SELENOP: variants seen among roughly 807,000 people sequenced by gnomAD.
The protein encoded by SELENOP is selenoprotein P.
Under a neutral mutation model 41.0 loss-of-function variants are expected in SELENOP, and 36 were observed. The observed-to-expected ratio is 0.88, with a 90% confidence interval of 0.67 to 1.16. The LOEUF (loss-of-function observed/expected upper bound fraction) is 1.16, where lower values mean the gene tolerates loss of function less well. Ranked by LOEUF, SELENOP falls within the 50% of genes most tolerant of loss-of-function variation. SELENOP has a pLI of 0.00. For synonymous variants in SELENOP, 144 were observed against 150.8 expected, an observed-to-expected ratio of 0.95 and a Z score of 0.33; for missense variants, 440 against 454.2, an observed-to-expected ratio of 0.97 and a Z score of 0.28.
chr5:42,807,212 A>G (rs930329454), intron 2 of SELENOP, 104 bp from the exon 3 acceptor site: 2 of 601,276 alleles, frequency 3.3e-6, no homozygotes, highest in African/African-American at 3.7e-5. Context: ...TCTCCTTCTT[A>G]TTTTTAACTA....
Position 42,802,591 on chromosome 5 carries a change from T to C in SELENOP, c.535-1260A>G, listed in dbSNP as rs1171259426. ...AGGTTTAAACAAACACAAATACCTA[T>C]GGTAGTAGTCTAATTTCTTTCATTT... On this transcript the variant is annotated intron_variant, in intron 4 of 4. Coordinates refer to ENST00000514985, the MANE Select transcript of SELENOP (RefSeq NM_005410.4). Among the ~76,000 whole-genome samples the C allele has an allele frequency of 3.9e-5, 6 of 152,262 alleles. No individual in the cohort carries two copies. In the South Asian group the frequency reaches 1.0e-3, roughly 26 times the overall value.
In SELENOP at chr5:42,808,181, C is replaced by G. The variant is rs759440035; in HGVS notation, c.173G>C (p.Ser58Thr). 4 of 1,564,524 alleles carry G rather than the reference C, an allele frequency of 2.6e-6. No individual in the cohort carries two copies. The highest frequency in any genetic ancestry group is 2.6e-6 in the Non-Finnish European group (3 of 1,156,922). Residue 58 changes from serine (S) to threonine (T), a missense_variant, in exon 2 of 5, where the codon AGC (serine) becomes ACC (threonine). Coordinates refer to ENST00000514985, the MANE Select transcript of SELENOP (RefSeq NM_005410.4). ...TGCCTGCAGTATGCACAGGTATCAG[C>G]TGGCTTGAAGAAGAGCAACCACAGT... ...SVTVVALLQA[S>T]UYLCILQASK...
chr5:42,800,751 T>G lies in SELENOP; in HGVS notation c.1115A>C (p.Gln372Pro), dbSNP rs1206600800. The stretch of plus-strand genomic sequence containing the variant: ...TGAAGGTCATTCTCACTTTTTTGCC[T>G]GATTCTTTCAGCGTCAACTGGCACT... The part of the protein sequence containing the change: ...EASASURUKN[Q>P]AKKUEUPSN The change falls in exon 5 of 5, where the codon CAG (glutamine) becomes CCG (proline). Residue 372 changes from glutamine to proline, a missense_variant. Coordinates refer to ENST00000514985, the MANE Select transcript of SELENOP (RefSeq NM_005410.4). 3 of 1,608,838 alleles carry G rather than the reference T, an allele frequency of 1.9e-6. No homozygotes were observed. The highest frequency in any genetic ancestry group is 2.2e-5 in the East Asian group (1 of 44,736).
chr5:42,808,197 CAACCACAGTCACTG>C lies in SELENOP; in HGVS notation c.143_156del (p.Ser48CysfsTer16). The C allele has an allele frequency of 1.3e-6, 2 of 1,576,146 alleles. No homozygotes were observed. Among genetic ancestry groups the C allele is most frequent in the East Asian group, 2.4e-5 (1 of 42,504 alleles). On this transcript the variant is annotated frameshift_variant, in exon 2 of 5. Transcript: ENST00000514985. LOFTEE classifies it high-confidence loss of function. ...AGGTATCAGCTGGCTTGAAGAAGAG[CAACCACAGTCACTG>C]AACCATTGGAGTTTAGCATTGGATC...
Position 42,808,326 on chromosome 5 carries a change from C to A in SELENOP, c.28G>T (p.Ala10Ser). The change falls in exon 2 of 5, where the codon GCT (alanine) becomes TCT (serine). Residue 10 changes from alanine (A) to serine (S), a missense_variant. Transcript: ENST00000514985. ...CCTCCCGATGGGAGGAGACAGAGAG[C>A]CAGGGCAAGCCCCAGGCTTCTCCAC... Reference protein sequence around the residue: MWRSLGLALALCLLPSGGTE... With the variant: MWRSLGLALSLCLLPSGGTE... 5 of 1,436,002 alleles carry A rather than the reference C, an allele frequency of 3.5e-6. No homozygotes were observed. Among genetic ancestry groups the A allele is most frequent in the South Asian group, 3.2e-5 (2 of 62,698 alleles). 89.0% of individuals were successfully genotyped at this position (1,436,002 alleles called of 1,614,324 possible).
intron 4 of SELENOP, among the ~76,000 whole-genome samples, chr5:42,802,634 C>G (rs1021040201): frequency 6.6e-6 from 1 of 152,046 alleles, no homozygotes; most frequent in African/African-American, 2.4e-5. Context: ...TATTTAGTGA[C>G]GGAGTCTCAC....
chr5:42,808,400 A>C (rs769342275), intron 1 of SELENOP, 34 bp from the exon 2 acceptor site: 10 of 848,216 alleles, frequency 1.2e-5, no homozygotes, highest in Non-Finnish European at 1.6e-5. Context: ...TCTTCTTCAT[A>C]GTTAACTTCA....
chr5:42,804,187 C>G (rs554802780), intron 4 of SELENOP, among the ~76,000 whole-genome samples: 22 of 152,282 alleles, frequency 1.4e-4, no homozygotes, highest in Non-Finnish European at 2.5e-4. Flanking sequence ...TTAGGCCGGG[C>G]GCGGTGGCTC....
At chr5:42,804,631 C>A in intron 4 of SELENOP, 25 bp downstream of exon 4, 1 of 1,325,094 alleles carries the variant, frequency 7.5e-7, no homozygotes, top group Admixed American at 1.9e-5. Flanking sequence ...TCTTTTCTCC[C>A]CAGAAAAATA....
chr5:42,801,426 C>T (rs1760199946), intron 4 of SELENOP, 95 bp from the exon 5 acceptor site: 2 of 941,210 alleles, frequency 2.1e-6, no homozygotes, highest in African/African-American at 3.3e-5. Context: ...GAAATTCCAA[C>T]TAGTTAATTA....
At chr5:42,803,682 G>T (rs1760261540) in intron 4 of SELENOP, among the ~76,000 whole-genome samples, 1 of 152,026 alleles carries the variant, frequency 6.6e-6, no homozygotes, top group African/African-American at 2.4e-5. Flanking sequence ...TTTCCTTTTT[G>T]TTATGAAGGA....
chr5:42,806,908 A>AG lies in SELENOP; in HGVS notation c.403dup (p.Leu135ProfsTer?), dbSNP rs768305099. The stretch of plus-strand genomic sequence containing the variant: ...TGTATGTACAAACCTATCATATATG[A>AG]GGAAGTCATCTTTGCTTCCATTTAA... On this transcript the variant is annotated frameshift_variant, in exon 3 of 5. Transcript: ENST00000514985. LOFTEE classifies it high-confidence loss of function. The AG allele has an allele frequency of 1.2e-6, 2 of 1,603,098 alleles. No individual in the cohort carries two copies. Among genetic ancestry groups the AG allele is most frequent in the East Asian group, 4.5e-5 (2 of 44,612 alleles).
At chr5:42,809,800 G>A in intron 1 of SELENOP, 1 of 949,700 alleles carries the variant, frequency 1.1e-6, no homozygotes, top group Non-Finnish European at 1.3e-6. Context: ...TAGAGAGAGT[G>A]AGGTGAGAGA....
chr5:42,810,796 A>T, intron 1 of SELENOP: 1 of 1,053,560 alleles, frequency 9.5e-7, no homozygotes, highest in Non-Finnish European at 1.2e-6. Flanking sequence ...GTGAATACAA[A>T]TGAAAAGACT....
At chr5:42,804,026 C>CT (rs1055288122) in intron 4 of SELENOP, among the ~76,000 whole-genome samples, 9 of 152,176 alleles carry the variant, frequency 5.9e-5, no homozygotes, top group African/African-American at 2.2e-4. Context: ...AATAACATTG[C>CT]TTTTTTGTGT....
chr5:42,807,182 CTTAA>C, intron 2 of SELENOP, 74 bp from the exon 3 acceptor site: 1 of 731,614 alleles, frequency 1.4e-6, no homozygotes, highest in Non-Finnish European at 2.3e-6. Context: ...CTCCCTCTTC[CTTAA>C]TTTTCTATGT....
At chr5:42,802,962 A>T (rs1003651574) in intron 4 of SELENOP, among the ~76,000 whole-genome samples, 1 of 150,212 alleles carries the variant, frequency 6.7e-6, no homozygotes, top group African/African-American at 2.4e-5. Flanking sequence ...TGTGATGCAT[A>T]TTTCTTTAGA....
Position 42,800,156 on chromosome 5 carries a change from G to C in SELENOP, c.*564C>G, listed in dbSNP as rs1760148748. 6.0e-6 allele frequency: 1 copy of C among 167,780 alleles called. No individual in the cohort carries two copies. Among genetic ancestry groups the C allele is most frequent in the South Asian group, 1.8e-4 (1 of 5,504 alleles). The allele number at this position is 167,780 out of a possible 1,614,324, so 10.4% of individuals were successfully genotyped here. ...AAAGATACAAAGGCTTTATTCATGTGTGATAGTAAAAATCAGGATGAGTCT... is the reference window on the plus strand; with the variant it reads ...AAAGATACAAAGGCTTTATTCATGTCTGATAGTAAAAATCAGGATGAGTCT... On this transcript the variant is annotated 3_prime_UTR_variant, in exon 5 of 5. Coordinates refer to ENST00000514985, the MANE Select transcript of SELENOP (RefSeq NM_005410.4).
intron 2 of SELENOP, chr5:42,807,348 T>C (rs1760355565): frequency 3.5e-6 from 1 of 284,288 alleles, no homozygotes. Context: ...GTTCTCAAAT[T>C]AGCACGATGA....
Sources: gnomAD v4.1 joint callset for allele counts (sites outside exome capture counted in the v4.1 genomes callset) on GRCh38, gnomAD v4.1.1 for gene constraint, MANE v1.5 for transcripts, NCBI Gene and HGNC (gene_info 2026-07-23, HGNC 2026-07-21) for gene names.